CD99: variants seen among roughly 807,000 people sequenced by gnomAD.
The protein encoded by CD99 is CD99 antigen.
In CD99, 19 loss-of-function variants were observed where a neutral mutation model predicts 28.4. That is an observed-to-expected ratio of 0.67 (90% CI 0.47 to 0.98). The LOEUF (loss-of-function observed/expected upper bound fraction) is 0.98, where lower values mean the gene tolerates loss of function less well. Ranked by LOEUF, CD99 falls within the 50% of genes least tolerant of loss-of-function variation. The pLI is 0.00. For missense variants in CD99, 283 were observed against 248.8 expected, an observed-to-expected ratio of 1.14 and a Z score of -0.92; for synonymous variants, 103 against 92.1, an observed-to-expected ratio of 1.12 and a Z score of -0.67.
intron 1 of CD99, among the ~76,000 whole-genome samples, chrX:2,694,282 T>G (rs946182019): frequency 6.6e-5 from 10 of 151,316 alleles, no homozygotes; most frequent in African/African-American, 1.7e-4. Context: ...CTTCGTTGTT[T>G]TTTTTTTTTT....
At chrX:2,717,937 CTTTTTTTT>C (rs527447220) in intron 3 of CD99, 126 of 164,670 alleles carry the variant, frequency 7.7e-4, no homozygotes, top group Middle Eastern at 2.3e-3. Flanking sequence ...ATTTTCTTCC[CTTTTTTTT>C]TTTTTTTTTT....
At chrX:2,734,730 G>A (rs763599153) in intron 8 of CD99, among the ~76,000 whole-genome samples, 27 of 114,630 alleles carry the variant, frequency 2.4e-4, no homozygotes, top group Middle Eastern at 9.3e-3. Flanking sequence ...TTTCTTCTCC[G>A]TTTTTCCTCA....
Position 2,723,341 on chromosome X carries a change from G to A in CD99, c.338G>A (p.Ser113Asn). The A allele has an allele frequency of 6.2e-7, 1 of 1,613,986 alleles. No homozygotes were observed. Among genetic ancestry groups the A allele is most frequent in the Non-Finnish European group, 8.5e-7 (1 of 1,179,864 alleles). The change falls in exon 7 of 10, where the codon AGC (serine) becomes AAC (asparagine). Residue 113 changes from serine to asparagine, a missense_variant. Coordinates refer to ENST00000381192, the MANE Select transcript of CD99 (RefSeq NM_002414.5). ...AAAGGAGGCAGTGATGGTGGAGGCA[G>A]CCACAGGAAAGAAGGGGAAGAGGGT... is the stretch of plus-strand genomic sequence containing the variant. Reference protein sequence around the residue: ...EGKGGSDGGGSHRKEGEEADA... With the variant: ...EGKGGSDGGGNHRKEGEEADA...
intron 2 of CD99, 140 bp from the exon 3 acceptor site, chrX:2,717,465 G>A: frequency 1.4e-6 from 1 of 693,166 alleles, no homozygotes; most frequent in East Asian, 2.7e-5. Flanking sequence ...CCTCAGCTCG[G>A]TGTGGGCAGG....
intron 1 of CD99, among the ~76,000 whole-genome samples, chrX:2,698,505 C>T (rs780369103): frequency 1.4e-4 from 22 of 152,066 alleles, no homozygotes; most frequent in African/African-American, 4.6e-4. Flanking sequence ...CTCACTCTGT[C>T]GCCCAGGCTG....
chrX:2,706,253 G>T (rs376198277), intron 1 of CD99, among the ~76,000 whole-genome samples: 6 of 152,166 alleles, frequency 3.9e-5, no homozygotes, highest in African/African-American at 1.2e-4. Flanking sequence ...CCAGCTACTC[G>T]GGAGGCTGAG....
At chrX:2,696,588 A>C (rs2047587242) in intron 1 of CD99, among the ~76,000 whole-genome samples, 1 of 151,970 alleles carries the variant, frequency 6.6e-6, no homozygotes, top group Non-Finnish European at 1.5e-5. Context: ...TTTTTAGTAG[A>C]GGTGGAGTTT....
At chrX:2,695,544 T>C (rs2047532515) in intron 1 of CD99, among the ~76,000 whole-genome samples, 1 of 152,086 alleles carries the variant, frequency 6.6e-6, no homozygotes, top group African/African-American at 2.4e-5. Context: ...CTGTAGTAGC[T>C]GGGACTACAA....
In CD99 at chrX:2,700,819, A is replaced by G. The variant is rs899806080; in HGVS notation, c.67+9392A>G. Among the ~76,000 whole-genome samples, 35 of 151,496 alleles carry G rather than the reference A, an allele frequency of 2.3e-4. 1 individual carries two copies. The highest frequency in any genetic ancestry group is 3.9e-4 in the East Asian group (2 of 5,108). ...CATTTATCCGTTCACCCATTCATCT[A>G]TCCATCTGTCCATCCATCCACCTAT... On this transcript the variant is annotated intron_variant, in intron 1 of 9. Coordinates refer to ENST00000381192, the MANE Select transcript of CD99 (RefSeq NM_002414.5).
intron 7 of CD99, 200 bp downstream of exon 7, chrX:2,723,564 C>T (rs1569443443): frequency 9.4e-6 from 6 of 641,546 alleles, no homozygotes; most frequent in Non-Finnish European, 1.7e-5. Flanking sequence ...TCCGGGTGCC[C>T]ACGTGACGCG....
At chrX:2,705,386 C>T (rs1438146687) in intron 1 of CD99, among the ~76,000 whole-genome samples, 1 of 152,160 alleles carries the variant, frequency 6.6e-6, no homozygotes, top group African/African-American at 2.4e-5. Flanking sequence ...CTATTTATGA[C>T]ACTATTAAGC....
intron 1 of CD99, 132 bp from the exon 2 acceptor site, chrX:2,714,290 C>G (rs2048580698): frequency 1.5e-6 from 1 of 670,156 alleles, no homozygotes; most frequent in Admixed American, 2.8e-5. Flanking sequence ...AAATCACGCA[C>G]CTTGTAAATT....
intron 1 of CD99, among the ~76,000 whole-genome samples, chrX:2,697,845 T>C (rs2047647937): frequency 6.6e-6 from 1 of 152,032 alleles, no homozygotes; most frequent in Non-Finnish European, 1.5e-5. Context: ...TTCTCAGCAA[T>C]TGAACACTCG....
chrX:2,700,323 C>T (rs1246031419), intron 1 of CD99, among the ~76,000 whole-genome samples: 7 of 152,116 alleles, frequency 4.6e-5, no homozygotes, highest in African/African-American at 1.4e-4. Context: ...TCAGGGTCTC[C>T]GTGTTCTAGG....
At chrX:2,706,911 C>T (rs1475073538) in intron 1 of CD99, among the ~76,000 whole-genome samples, 2 of 151,962 alleles carry the variant, frequency 1.3e-5, no homozygotes, top group Non-Finnish European at 2.9e-5. Context: ...ACCTCCACCT[C>T]CCGGGTTCAA....
chrX:2,698,443 A>G (rs1163088310), intron 1 of CD99, among the ~76,000 whole-genome samples: 1 of 151,866 alleles, frequency 6.6e-6, no homozygotes. Flanking sequence ...TGCTGGGGTT[A>G]CAGGCGTGAG....
chrX:2,727,458 A>G, intron 8 of CD99: 1 of 713,032 alleles, frequency 1.4e-6, no homozygotes, highest in East Asian at 2.7e-5. Flanking sequence ...CAGGAATCCC[A>G]TCGACCGGGA....
At chrX:2,709,157 C>G (rs1489417517) in intron 1 of CD99, among the ~76,000 whole-genome samples, 1 of 152,092 alleles carries the variant, frequency 6.6e-6, no homozygotes, top group Admixed American at 6.5e-5. Context: ...GCCATGGACA[C>G]ACACCAGACA....
At position 2,714,553 on chromosome X, in the gene CD99, C is replaced by G. The variant is rs1355438562; in HGVS notation, c.100+99C>G. Reference sequence around the variant, plus strand: ...CCATTTCCAGCTAGGTTCTAGACCACCGCAATAACAGGAGTCATAGCAATT... The same window carrying G: ...CCATTTCCAGCTAGGTTCTAGACCAGCGCAATAACAGGAGTCATAGCAATT... On this transcript the variant is annotated intron_variant, in intron 2 of 9. Coordinates refer to ENST00000381192, the MANE Select transcript of CD99 (RefSeq NM_002414.5). The G allele has an allele frequency of 3.9e-6, 4 of 1,033,044 alleles. No homozygotes were observed. In the African/African-American group the frequency reaches 6.2e-5, roughly 16 times the overall value. 64.0% of individuals were successfully genotyped at this position (1,033,044 alleles called of 1,614,324 possible).
Sources: allele counts gnomAD v4.1 joint callset (sites outside exome capture counted in the v4.1 genomes callset), GRCh38; gene constraint gnomAD v4.1.1; transcripts MANE v1.5; gene names NCBI Gene and HGNC (gene_info 2026-07-23, HGNC 2026-07-21).